The following MSX2 variants were observed in gnomAD, a reference collection of about 807,000 sequenced individuals.
MSX2 encodes the protein msh homeobox 2.
MSX2 carries 10 observed loss-of-function variants against 18.4 expected under a neutral mutation model. That is an observed-to-expected ratio of 0.54 (90% CI 0.34 to 0.92). The LOEUF (loss-of-function observed/expected upper bound fraction) is 0.92, where lower values mean the gene tolerates loss of function less well. Among genes scored for constraint, MSX2 ranks in the 40% least tolerant of loss-of-function variants. The pLI is 0.02. For synonymous variants in MSX2, 170 were observed against 165.6 expected, an observed-to-expected ratio of 1.03 and a Z score of -0.20; for missense variants, 339 against 364.0, an observed-to-expected ratio of 0.93 and a Z score of 0.56.
At chr5:174,728,427 T>TG (rs11413228) in intron 1 of MSX2, among the ~76,000 whole-genome samples, 151,398 of 152,360 alleles carry the variant, frequency 0.99, 75,228 homozygotes, top group Middle Eastern at 1. Flanking sequence ...CAATGACAGC[T>TG]TGTGACTGTT....
rs373857075 is a variant in MSX2, at chr5:174,729,462, C to T, written c.683C>T (p.Ser228Leu). 39 of 1,614,008 alleles carry T rather than the reference C, an allele frequency of 2.4e-5. No individual in the cohort carries two copies. The highest frequency in any genetic ancestry group is 5.5e-5 in the South Asian group (5 of 91,082). ...SSFSLPFPIS[S>L]PLQAASIYGA... Reference sequence around the variant, plus strand: ...TTCAGTCTCCCTTTCCCCATCAGCTCGCCCCTGCAGGCAGCGTCCATATAT... The same window carrying T: ...TTCAGTCTCCCTTTCCCCATCAGCTTGCCCCTGCAGGCAGCGTCCATATAT... The change falls in exon 2 of 2, where the codon TCG becomes TTG. Residue 228 changes from serine to leucine, a missense_variant. This residue lies in a region of MSX2 where 128 missense variants were observed against 178.6 expected (regional missense o/e 0.72). Coordinates refer to ENST00000239243, the MANE Select transcript of MSX2 (RefSeq NM_002449.5).
intron 1 of MSX2, among the ~76,000 whole-genome samples, chr5:174,726,698 G>A (rs1478945924): frequency 2.0e-5 from 3 of 152,168 alleles, no homozygotes; most frequent in East Asian, 3.9e-4. Context: ...CACATTGAGG[G>A]ATTAGTGTTA....
intron 1 of MSX2, among the ~76,000 whole-genome samples, chr5:174,728,169 C>G (rs1025495681): frequency 6.6e-6 from 1 of 152,068 alleles, no homozygotes; most frequent in African/African-American, 2.4e-5. Flanking sequence ...TTGTTTTTCC[C>G]CCTGACAAAC....
At position 174,724,821 on chromosome 5, in the gene MSX2, C is replaced by G; in HGVS notation, c.162C>G (p.Ser54=). ...CCTTCAGCGTGGAGGCGCTCATGTCCGACAAGAAGCCGCCCAAGGAGGCGT... is the reference window on the plus strand; with the variant it reads ...CCTTCAGCGTGGAGGCGCTCATGTCGGACAAGAAGCCGCCCAAGGAGGCGT... ...SLPFSVEALM[S]DKKPPKEASP... is the part of the protein sequence containing the mutation. Residue 54 remains serine (S), a synonymous_variant, in exon 1 of 2, where the codon TCC becomes TCG. Coordinates refer to ENST00000239243, the MANE Select transcript of MSX2 (RefSeq NM_002449.5). 6.4e-7 allele frequency: 1 copy of G among 1,551,378 alleles called. No homozygotes were observed. Among genetic ancestry groups the G allele is most frequent in the South Asian group, 1.2e-5 (1 of 84,298 alleles).
chr5:174,729,312 C>T lies in MSX2; in HGVS notation c.533C>T (p.Ser178Phe). The change falls in exon 2 of 2, where the codon TCT (serine) becomes TTT (phenylalanine). Residue 178 changes from serine to phenylalanine, a missense_variant. By Grantham distance (155) the Ser-to-Phe change is radical. This residue lies in a region of MSX2 where 128 missense variants were observed against 178.6 expected (regional missense o/e 0.72). Coordinates refer to ENST00000239243, the MANE Select transcript of MSX2 (RefSeq NM_002449.5). ...SIAERAEFSS[S>F]LNLTETQVKI... ...GCAGAGCGTGCAGAGTTCTCCAGCT[C>T]TCTGAACCTCACAGAGACCCAGGTC... 6.2e-7 allele frequency: 1 copy of T among 1,614,192 alleles called. No individual in the cohort carries two copies. Among genetic ancestry groups the T allele is most frequent in the Non-Finnish European group, 8.5e-7 (1 of 1,180,048 alleles).
At chr5:174,728,558 CAAGGGAAACAGCTAACCCGGTTGCTA>C (rs1171214293) in intron 1 of MSX2, among the ~76,000 whole-genome samples, 1 of 152,142 alleles carries the variant, frequency 6.6e-6, no homozygotes, top group African/African-American at 2.4e-5. Context: ...GAGAGGAGAC[CAAGGGAAACAGCTAACCCGGTTGCTA>C]AAACCTTTTT....
rs776872613 is a variant in MSX2, at chr5:174,729,255, G to A, written c.476G>A (p.Arg159His). The change falls in exon 2 of 2, where the codon CGC (arginine) becomes CAC (histidine). Residue 159 changes from arginine to histidine, a missense_variant. By Grantham distance (29) the Arg-to-His change is conservative. This residue lies in a region of MSX2 where 128 missense variants were observed against 178.6 expected (regional missense o/e 0.72). Coordinates refer to ENST00000239243, the MANE Select transcript of MSX2 (RefSeq NM_002449.5). ...ACATCCCAGCTCCTCGCCCTGGAGCGCAAGTTCCGTCAGAAACAGTACCTC... is the reference window on the plus strand; with the variant it reads ...ACATCCCAGCTCCTCGCCCTGGAGCACAAGTTCCGTCAGAAACAGTACCTC... ...FTTSQLLALE[R>H]KFRQKQYLSI... is the part of the protein sequence containing the mutation. 1.1e-5 allele frequency: 17 copies of A among 1,614,000 alleles called. No individual in the cohort carries two copies. Among genetic ancestry groups the A allele is most frequent in the Admixed American group, 6.7e-5 (4 of 60,000 alleles).
Position 174,729,215 on chromosome 5 carries a change from C to T in MSX2, c.436C>T (p.Arg146Cys), listed in dbSNP as rs756030049. The T allele has an allele frequency of 3.7e-6, 6 of 1,614,130 alleles. No individual in the cohort carries two copies. The highest frequency in any genetic ancestry group is 3.4e-6 in the Non-Finnish European group (4 of 1,180,040). ...LRKHKTNRKP[R>C]TPFTTSQLLA... is the part of the protein sequence containing the mutation. Reference sequence around the variant, plus strand: ...GAAACACAAGACCAATCGGAAGCCGCGCACGCCCTTTACCACATCCCAGCT... The same window carrying T: ...GAAACACAAGACCAATCGGAAGCCGTGCACGCCCTTTACCACATCCCAGCT... Residue 146 changes from arginine to cysteine, a missense_variant, in exon 2 of 2, where the codon CGC becomes TGC. Transcript: ENST00000239243.
Position 174,724,602 on chromosome 5 carries a change from G to A in MSX2, c.-58G>A. Reference sequence around the variant, plus strand: ...TCTCCGCAGCAAAAAAGTTTGAGTCGCCGCTGCCGGGTTGCCAGCGGAGTC... The same window carrying A: ...TCTCCGCAGCAAAAAAGTTTGAGTCACCGCTGCCGGGTTGCCAGCGGAGTC... On this transcript the variant is annotated 5_prime_UTR_variant, in exon 1 of 2. Coordinates refer to ENST00000239243, the MANE Select transcript of MSX2 (RefSeq NM_002449.5). The A allele has an allele frequency of 6.5e-7, 1 of 1,547,060 alleles. No homozygotes were observed. Among genetic ancestry groups the A allele is most frequent in the South Asian group, 1.2e-5 (1 of 84,096 alleles).
chr5:174,730,380 T>C lies in MSX2; in HGVS notation c.*797T>C, dbSNP rs1760903200. On this transcript the variant is annotated 3_prime_UTR_variant, in exon 2 of 2. Coordinates refer to ENST00000239243, the MANE Select transcript of MSX2 (RefSeq NM_002449.5). ...TTCTTCTCAAGGCTGTTGGTAACTT[T>C]ATTTCAGATAATTGGAGAGTAAAAT... The C allele has an allele frequency of 6.6e-6, 1 of 152,368 alleles. No individual in the cohort carries two copies. Among genetic ancestry groups the C allele is most frequent in the South Asian group, 2.1e-4 (1 of 4,820 alleles). 9.4% of individuals were successfully genotyped at this position (152,368 alleles called of 1,614,324 possible). A position where few individuals can be genotyped will look rare whatever the true frequency, so the allele number is the denominator to read the frequency against.
Position 174,729,457 on chromosome 5 carries a change from C to T in MSX2, c.678C>T (p.Ile226=). The T allele has an allele frequency of 2.5e-6, 4 of 1,614,038 alleles. No homozygotes were observed. The highest frequency in any genetic ancestry group is 3.4e-6 in the Non-Finnish European group (4 of 1,179,896). ...CCAGCTTCAGTCTCCCTTTCCCCATCAGCTCGCCCCTGCAGGCAGCGTCCA... is the reference window on the plus strand; with the variant it reads ...CCAGCTTCAGTCTCCCTTTCCCCATTAGCTCGCCCCTGCAGGCAGCGTCCA... ...LPSSFSLPFP[I]SSPLQAASIY... The change falls in exon 2 of 2, where the codon ATC becomes ATT. Residue 226 remains isoleucine (I), a synonymous_variant. Coordinates refer to ENST00000239243, the MANE Select transcript of MSX2 (RefSeq NM_002449.5).
intron 1 of MSX2, among the ~76,000 whole-genome samples, chr5:174,726,653 G>A (rs148582911): frequency 1.3e-5 from 2 of 152,038 alleles, no homozygotes; most frequent in East Asian, 3.9e-4. Flanking sequence ...GACAGACAGG[G>A]CTCTGGGTAC....
chr5:174,729,075 G>C, intron 1 of MSX2, 84 bp from the exon 2 acceptor site: 1 of 1,402,858 alleles, frequency 7.1e-7, no homozygotes, highest in Non-Finnish European at 9.9e-7. Context: ...AAAACCTAGA[G>C]AGATGACGGG....
rs763019404 is a variant in MSX2, at chr5:174,729,626, A to G, written c.*43A>G. 1.9e-6 allele frequency: 3 copies of G among 1,589,228 alleles called. No individual in the cohort carries two copies. The South Asian group carries it at 3.3e-5, about 18-fold the overall frequency. Reference sequence around the variant, plus strand: ...GACTCCATGATGGATGCTTGTTTCAAAGGGTTTCCTCTCCCTCTCCACGAA... The same window carrying G: ...GACTCCATGATGGATGCTTGTTTCAGAGGGTTTCCTCTCCCTCTCCACGAA... On this transcript the variant is annotated 3_prime_UTR_variant, in exon 2 of 2. Transcript: ENST00000239243.
At chr5:174,726,586 C>CAAAA (rs34068914) in intron 1 of MSX2, among the ~76,000 whole-genome samples, 2 of 93,378 alleles carry the variant, frequency 2.1e-5, no homozygotes, top group Non-Finnish European at 4.0e-5. Flanking sequence ...TGGGCCTGAC[C>CAAAA]AAAAAAAAAA....
At chr5:174,726,790 C>T (rs576425491) in intron 1 of MSX2, among the ~76,000 whole-genome samples, 44 of 152,256 alleles carry the variant, frequency 2.9e-4, no homozygotes, top group Admixed American at 2.2e-3. Context: ...AGTACATAGC[C>T]TACGCCTATG....
Position 174,724,814 on chromosome 5 carries a change from T to C in MSX2, c.155T>C (p.Leu52Pro). The C allele has an allele frequency of 6.4e-7, 1 of 1,551,756 alleles. No homozygotes were observed. The highest frequency in any genetic ancestry group is 8.7e-7 in the Non-Finnish European group (1 of 1,148,096). ...AGCCTGCCCTTCAGCGTGGAGGCGC[T>C]CATGTCCGACAAGAAGCCGCCCAAG... ...VSSLPFSVEALMSDKKPPKEA... is the reference protein window; with the variant it reads ...VSSLPFSVEAPMSDKKPPKEA... The change falls in exon 1 of 2, where the codon CTC (leucine) becomes CCC (proline). Residue 52 changes from leucine (L) to proline (P), a missense_variant. Around this residue, in one of 2 missense-constraint regions of MSX2, gnomAD observed 211 missense variants for 185.4 expected, o/e 1.14. Transcript: ENST00000239243.
At position 174,729,790 on chromosome 5, in the gene MSX2, C is replaced by G. The variant is rs925313485; in HGVS notation, c.*207C>G. On this transcript the variant is annotated 3_prime_UTR_variant, in exon 2 of 2. Transcript: ENST00000239243. ...AGCCCTGTTTTCTTGGTGTAATCTT[C>G]CAGATGCCCCCTTTTCCTTTCACAA... is the stretch of plus-strand genomic sequence containing the variant. 13 of 500,658 alleles carry G rather than the reference C, an allele frequency of 2.6e-5. No individual in the cohort carries two copies. The highest frequency in any genetic ancestry group is 2.3e-4 in the African/African-American group (12 of 52,850). 31.0% of individuals were successfully genotyped at this position (500,658 alleles called of 1,614,324 possible). A position where few individuals can be genotyped will look rare whatever the true frequency, so the allele number is the denominator to read the frequency against.
intron 1 of MSX2, among the ~76,000 whole-genome samples, chr5:174,727,182 G>A (rs1379836045): frequency 1.3e-5 from 2 of 152,190 alleles, no homozygotes; most frequent in East Asian, 1.9e-4. Context: ...AGCCTGGGGC[G>A]AGAGGGAGCT....
Sources: gnomAD v4.1 joint callset for allele counts (sites outside exome capture counted in the v4.1 genomes callset) on GRCh38, gnomAD v4.1.1 for gene constraint, gnomAD v4.1.1 regional missense constraint, MANE v1.5 for transcripts, NCBI Gene and HGNC (gene_info 2026-07-23, HGNC 2026-07-21) for gene names.